CSMD1: variants seen among roughly 807,000 people sequenced by gnomAD.
CSMD1 encodes the protein CUB and Sushi multiple domains 1, also known as CUB and sushi domain-containing protein 1.
Under a neutral mutation model 417.5 loss-of-function variants are expected in CSMD1, and 213 were observed. The ratio of observed to expected loss-of-function variants is 0.51; its 90% confidence interval spans 0.46 to 0.57. The LOEUF is 0.57. Among genes scored for constraint, CSMD1 ranks in the 20% least tolerant of loss-of-function variants. CSMD1 has a pLI of 0.00. For missense variants in CSMD1, 6,923 were observed against 4,529.7 expected (o/e 1.53, Z -15.17); for synonymous variants, 2,862 against 1,736.8 (o/e 1.65, Z -16.11).
At chr8:4,744,752 T>C (rs1204004921) in intron 1 of CSMD1, among the ~76,000 whole-genome samples, 1 of 152,188 alleles carries the variant, frequency 6.6e-6, no homozygotes, top group East Asian at 1.9e-4. Context: ...TGTATGAAGC[T>C]AGGGTTCTTG....
intron 1 of CSMD1, among the ~76,000 whole-genome samples, chr8:4,847,325 T>C (rs1227059969): frequency 6.6e-6 from 1 of 152,338 alleles, no homozygotes; most frequent in East Asian, 1.9e-4. Flanking sequence ...ACAACAGATC[T>C]TGCACATTTG....
intron 46 of CSMD1, among the ~76,000 whole-genome samples, chr8:3,102,311 G>T (rs1234922119): frequency 4.6e-5 from 7 of 152,178 alleles, no homozygotes; most frequent in African/African-American, 1.7e-4. Context: ...GTTTTCAAAT[G>T]ATGAGTTGTT....
intron 12 of CSMD1, among the ~76,000 whole-genome samples, chr8:3,424,749 C>T (rs1312971657): frequency 6.6e-6 from 1 of 152,222 alleles, no homozygotes; most frequent in Non-Finnish European, 1.5e-5. Context: ...TGTCAAGGAA[C>T]CACAGTGTTT....
intron 5 of CSMD1, among the ~76,000 whole-genome samples, chr8:3,944,670 G>T (rs752178909): frequency 6.6e-6 from 1 of 152,022 alleles, no homozygotes; most frequent in Non-Finnish European, 1.5e-5. Context: ...GGGAATGGTG[G>T]GAAATAAAAA....
At chr8:4,988,719 C>T (rs1222173700) in intron 1 of CSMD1, among the ~76,000 whole-genome samples, 1 of 152,174 alleles carries the variant, frequency 6.6e-6, no homozygotes, top group East Asian at 1.9e-4. Flanking sequence ...TGGCATTTTC[C>T]TCTCCCATAA....
chr8:2,958,520 G>A (rs1474448323), intron 62 of CSMD1, among the ~76,000 whole-genome samples: 2 of 152,278 alleles, frequency 1.3e-5, no homozygotes, highest in East Asian at 3.9e-4. Flanking sequence ...GTGCCTTGAG[G>A]GGCAGATTCC....
intron 3 of CSMD1, among the ~76,000 whole-genome samples, chr8:4,254,549 A>G (rs1031406920): frequency 6.6e-6 from 1 of 152,172 alleles, no homozygotes; most frequent in Non-Finnish European, 1.5e-5. Flanking sequence ...TGAAGACTAC[A>G]GTAGTGTACA....
chr8:4,466,627 G>C (rs966349277), intron 2 of CSMD1, among the ~76,000 whole-genome samples: 2 of 152,068 alleles, frequency 1.3e-5, no homozygotes, highest in African/African-American at 4.8e-5. Context: ...TCAATTTTTT[G>C]ACTTTATTTA....
intron 5 of CSMD1, among the ~76,000 whole-genome samples, chr8:3,807,154 C>G (rs1375472106): frequency 4.6e-5 from 7 of 152,126 alleles, no homozygotes; most frequent in African/African-American, 1.7e-4. Flanking sequence ...AACCTTGATC[C>G]ACAGCCTTTA....
At chr8:4,508,089 CA>C (rs3991007) in intron 2 of CSMD1, among the ~76,000 whole-genome samples, 2,260 of 125,926 alleles carry the variant, frequency 0.018, 58 homozygotes, top group African/African-American at 0.056. Flanking sequence ...AAAAAAATAC[CA>C]AAAAAAAAAA....
intron 3 of CSMD1, among the ~76,000 whole-genome samples, chr8:4,335,476 T>C (rs1800112998): frequency 6.6e-6 from 1 of 152,108 alleles, no homozygotes; most frequent in African/African-American, 2.4e-5. Flanking sequence ...TTATATGGAC[T>C]CCAGAATACA....
intron 3 of CSMD1, among the ~76,000 whole-genome samples, chr8:4,053,305 A>C (rs888673984): frequency 6.6e-6 from 1 of 152,202 alleles, no homozygotes; most frequent in African/African-American, 2.4e-5. Flanking sequence ...AGCATTGCGA[A>C]TGCATGAGAA....
At chr8:3,653,315 G>C (rs766404362) in intron 7 of CSMD1, among the ~76,000 whole-genome samples, 11 of 151,972 alleles carry the variant, frequency 7.2e-5, no homozygotes, top group African/African-American at 1.5e-4. Flanking sequence ...GGGTTCTTTT[G>C]TTGTTGTTGT....
At chr8:4,128,455 C>G (rs1044717294) in intron 3 of CSMD1, among the ~76,000 whole-genome samples, 1 of 152,128 alleles carries the variant, frequency 6.6e-6, no homozygotes, top group South Asian at 2.1e-4. Context: ...TGCACATATG[C>G]CATTCCACAT....
At chr8:3,724,439 A>T (rs754748847) in intron 6 of CSMD1, among the ~76,000 whole-genome samples, 20 of 152,278 alleles carry the variant, frequency 1.3e-4, no homozygotes, top group Middle Eastern at 3.4e-3. Context: ...AACATTTAAA[A>T]TTTTCTCTCA....
intron 5 of CSMD1, among the ~76,000 whole-genome samples, chr8:3,962,824 A>G (rs1027859757): frequency 6.6e-6 from 1 of 152,082 alleles, no homozygotes; most frequent in East Asian, 1.9e-4. Flanking sequence ...TTCTTTTCAC[A>G]TTTTACATGT....
At chr8:4,116,456 A>G (rs76496298) in intron 3 of CSMD1, among the ~76,000 whole-genome samples, 4,549 of 115,232 alleles carry the variant, frequency 0.039, 222 homozygotes, top group African/African-American at 0.08. Context: ...CAGGTGCCTG[A>G]ATGGAACAAA....
chr8:3,856,330 G>A (rs1239126703), intron 5 of CSMD1, among the ~76,000 whole-genome samples: 1 of 152,126 alleles, frequency 6.6e-6, no homozygotes, highest in Non-Finnish European at 1.5e-5. Context: ...GGCTGCCCCA[G>A]AAGCTGCTAT....
chr8:4,089,998 C>G (rs1157130195), intron 3 of CSMD1, among the ~76,000 whole-genome samples: 1 of 152,170 alleles, frequency 6.6e-6, no homozygotes, highest in Non-Finnish European at 1.5e-5. Context: ...AACCTACTTT[C>G]TCTACTAGCC....
Sources: allele counts gnomAD v4.1 joint callset (sites outside exome capture counted in the v4.1 genomes callset), GRCh38; gene constraint gnomAD v4.1.1; transcripts MANE v1.5; gene names NCBI Gene and HGNC (gene_info 2026-07-23, HGNC 2026-07-21).